Variants in PCDH11X observed in about 807,000 individuals in gnomAD.
PCDH11X encodes protocadherin-11 X-linked.
In PCDH11X, 18 loss-of-function variants were observed where a neutral mutation model predicts 53.3. The ratio of observed to expected loss-of-function variants is 0.34; its 90% confidence interval spans 0.23 to 0.50. The LOEUF is 0.50. Among genes scored for constraint, PCDH11X ranks in the 20% least tolerant of loss-of-function variants. The pLI, the probability that PCDH11X is intolerant of heterozygous loss-of-function variation, is 0.98. For missense variants in PCDH11X, 570 were observed against 1,032.4 expected (o/e 0.55, Z 6.14); for synonymous variants, 279 against 393.3 (o/e 0.71, Z 3.44).
At chrX:92,047,857 G>T (rs1569326389) in intron 6 of PCDH11X, among the ~76,000 whole-genome samples, 1 of 109,779 alleles carries the variant, frequency 9.1e-6, no homozygotes, top group Non-Finnish European at 1.9e-5. Flanking sequence ...TCAATGAATT[G>T]TCAAAATCAA....
intron 5 of PCDH11X, among the ~76,000 whole-genome samples, chrX:91,871,795 C>G (rs778312617): frequency 9.0e-6 from 1 of 111,261 alleles, no homozygotes; most frequent in East Asian, 2.8e-4. Context: ...GAATTAAAGT[C>G]TCAGAAGGGC....
intron 10 of PCDH11X, among the ~76,000 whole-genome samples, chrX:92,571,664 A>G (rs1451301962): frequency 1.8e-5 from 2 of 108,300 alleles, no homozygotes; most frequent in African/African-American, 3.4e-5. Context: ...CGATTCTAAA[A>G]GAAAAGTGGT....
chrX:91,859,977 T>G (rs1938570093), intron 5 of PCDH11X, among the ~76,000 whole-genome samples: 1 of 111,306 alleles, frequency 9.0e-6, no homozygotes, highest in Admixed American at 9.6e-5. Flanking sequence ...AATTTTAAAA[T>G]AGTTTTTTTT....
intron 6 of PCDH11X, among the ~76,000 whole-genome samples, chrX:91,936,662 A>G (rs1349705670): frequency 9.5e-6 from 1 of 104,822 alleles, no homozygotes; most frequent in African/African-American, 3.4e-5. Context: ...GTGTTTGTTT[A>G]TTTGTTTTTG....
intron 6 of PCDH11X, among the ~76,000 whole-genome samples, chrX:91,884,490 A>G (rs1039341170): frequency 9.0e-6 from 1 of 111,204 alleles, no homozygotes; most frequent in Non-Finnish European, 1.9e-5. Context: ...ACTTATTTAA[A>G]TAAGTCTGTT....
intron 9 of PCDH11X, among the ~76,000 whole-genome samples, chrX:92,456,828 A>G (rs1037147469): frequency 9.2e-6 from 1 of 109,164 alleles, no homozygotes; most frequent in Non-Finnish European, 1.9e-5. Context: ...GACATAAAAT[A>G]TTTATCAACA....
At chrX:92,342,560 A>G (rs912650644) in intron 8 of PCDH11X, among the ~76,000 whole-genome samples, 3 of 112,002 alleles carry the variant, frequency 2.7e-5, no homozygotes, top group Non-Finnish European at 5.6e-5. Context: ...CAGCAATGTG[A>G]ATGCATTTCG....
At chrX:91,981,570 C>T (rs990444840) in intron 6 of PCDH11X, among the ~76,000 whole-genome samples, 2 of 111,667 alleles carry the variant, frequency 1.8e-5, no homozygotes, top group Non-Finnish European at 3.8e-5. Flanking sequence ...TACCACTTAA[C>T]CTTTTATACC....
chrX:92,448,355 G>T (rs1201072771), intron 9 of PCDH11X, among the ~76,000 whole-genome samples: 1 of 93,675 alleles, frequency 1.1e-5, no homozygotes, highest in East Asian at 3.5e-4. Context: ...GAACCCAGTG[G>T]GAAGTGACTG....
chrX:92,540,598 T>C (rs1270440860), intron 10 of PCDH11X, among the ~76,000 whole-genome samples: 3 of 101,736 alleles, frequency 2.9e-5, no homozygotes, highest in Non-Finnish European at 5.9e-5. Flanking sequence ...TCTTCATTAT[T>C]TTTCCCCCTG....
intron 8 of PCDH11X, among the ~76,000 whole-genome samples, chrX:92,367,254 C>T (rs2070496359): frequency 9.0e-6 from 1 of 111,637 alleles, no homozygotes; most frequent in Non-Finnish European, 1.9e-5. Flanking sequence ...TAATGCCCTT[C>T]TTTGTCTTTT....
chrX:92,371,979 A>C (rs772816822), intron 8 of PCDH11X, among the ~76,000 whole-genome samples: 1 of 111,645 alleles, frequency 9.0e-6, no homozygotes, highest in South Asian at 3.7e-4. Flanking sequence ...TAATGTAAGA[A>C]ATATATTATA....
chrX:92,573,231 A>G (rs2148775931), intron 10 of PCDH11X, among the ~76,000 whole-genome samples: 1 of 111,628 alleles, frequency 9.0e-6, no homozygotes, highest in South Asian at 3.7e-4. Context: ...ATTCTGTAAT[A>G]TTACTAGATG....
chrX:92,091,445 T>C (rs6652617), intron 6 of PCDH11X, among the ~76,000 whole-genome samples: 2,679 of 111,415 alleles, frequency 0.024, 78 homozygotes, highest in African/African-American at 0.083. Context: ...TCAAACTCTC[T>C]AAAATATTTG....
intron 6 of PCDH11X, among the ~76,000 whole-genome samples, chrX:92,078,286 A>T (rs920865282): frequency 9.0e-5 from 10 of 110,995 alleles, no homozygotes; most frequent in African/African-American, 3.3e-4. Context: ...TATCTAATGT[A>T]ATTAAATCCC....
At chrX:92,185,141 G>A (rs1479630529) in intron 6 of PCDH11X, among the ~76,000 whole-genome samples, 1 of 110,643 alleles carries the variant, frequency 9.0e-6, no homozygotes. Context: ...AGCTACACGG[G>A]GGGCTAAGGC....
At chrX:92,149,650 G>T (rs1393147906) in intron 6 of PCDH11X, among the ~76,000 whole-genome samples, 1 of 110,163 alleles carries the variant, frequency 9.1e-6, no homozygotes, top group Non-Finnish European at 1.9e-5. Context: ...TGTACAATTT[G>T]CTCAGTTTTG....
chrX:92,615,758 T>A (rs1196168521), intron 10 of PCDH11X, among the ~76,000 whole-genome samples: 3 of 104,766 alleles, frequency 2.9e-5, no homozygotes, highest in Non-Finnish European at 3.9e-5. Flanking sequence ...TGTTTTCCCC[T>A]CAGGTCTCCA....
At chrX:92,221,457 A>G (rs937615539) in intron 7 of PCDH11X, among the ~76,000 whole-genome samples, 2 of 110,668 alleles carry the variant, frequency 1.8e-5, no homozygotes, top group Non-Finnish European at 3.8e-5. Context: ...GATAAAGGCC[A>G]GAGACATTAT....
Sources: gnomAD v4.1 joint callset for allele counts (sites outside exome capture counted in the v4.1 genomes callset) on GRCh38, gnomAD v4.1.1 for gene constraint, MANE v1.5 for transcripts, NCBI Gene and HGNC (gene_info 2026-07-23, HGNC 2026-07-21) for gene names.